SS18: variants seen among roughly 807,000 people sequenced by gnomAD.
The protein encoded by SS18 is protein SSXT.
A neutral mutation model predicts 72.5 loss-of-function variants in SS18; 28 were observed. That is an observed-to-expected ratio of 0.39 (90% CI 0.29 to 0.53). The LOEUF (loss-of-function observed/expected upper bound fraction) is 0.53, where lower values mean the gene tolerates loss of function less well. Ranked by LOEUF, SS18 falls within the 20% of genes least tolerant of loss-of-function variation. SS18 has a pLI of 0.76. For synonymous variants in SS18, 172 were observed against 164.2 expected (o/e 1.05, Z -0.37); for missense variants, 518 against 535.3 (o/e 0.97, Z 0.32).
At chr18:26,089,009 A>C (rs2054666299) in intron 1 of SS18, among the ~76,000 whole-genome samples, 1 of 152,306 alleles carries the variant, frequency 6.6e-6, no homozygotes, top group Non-Finnish European at 1.5e-5. Context: ...TTCACAACTT[A>C]TTATCTCCAG....
At position 26,086,942 on chromosome 18, in the gene SS18, A is replaced by G. The variant is rs536516315; in HGVS notation, c.146+559T>C. 2.6e-5 allele frequency among the ~76,000 whole-genome samples: 4 copies of G among 152,360 alleles called. No individual in the cohort carries two copies. The South Asian group carries it at 8.3e-4, about 32-fold the overall frequency. On this transcript the variant is annotated intron_variant, in intron 2 of 10. Transcript: ENST00000415083. ...AAAGAAAGTTTTCTTTTATAAATTA[A>G]CAAGTCATACAAAAGCTTGTACACA...
At chr18:26,066,935 T>C (rs35086453) in intron 3 of SS18, among the ~76,000 whole-genome samples, 8,432 of 152,274 alleles carry the variant, frequency 0.055, 272 homozygotes, top group East Asian at 0.12. Context: ...GAATACAAAG[T>C]ATTTCTAAAA....
At chr18:26,032,744 C>T (rs957138351) in intron 9 of SS18, among the ~76,000 whole-genome samples, 2 of 152,100 alleles carry the variant, frequency 1.3e-5, no homozygotes, top group Admixed American at 1.3e-4. Flanking sequence ...CTATAATTAT[C>T]GTACTATGCC....
In SS18 at chr18:26,053,754, G is replaced by A. The variant is rs374751708; in HGVS notation, c.386-909C>T. ...ATAGGAAGGCAAATTAAAACTATGAGACCGAACTTTCACCTCTCAGATTCT... is the reference window on the plus strand; with the variant it reads ...ATAGGAAGGCAAATTAAAACTATGAAACCGAACTTTCACCTCTCAGATTCT... On this transcript the variant is annotated intron_variant, in intron 4 of 10. Transcript: ENST00000415083. Among the ~76,000 whole-genome samples the A allele has an allele frequency of 9.2e-5, 14 of 152,250 alleles. No individual in the cohort carries two copies. The East Asian group carries it at 1.7e-3, about 19-fold the overall frequency.
At chr18:26,043,418 G>A (rs2053763946) in intron 5 of SS18, among the ~76,000 whole-genome samples, 1 of 151,742 alleles carries the variant, frequency 6.6e-6, no homozygotes, top group African/African-American at 2.4e-5. Context: ...CCCTCCTCAG[G>A]CCTATTTTCA....
chr18:26,066,600 G>GCACACACACACACACACACA (rs35011668), intron 3 of SS18, among the ~76,000 whole-genome samples: 13 of 144,330 alleles, frequency 9.0e-5, no homozygotes, highest in African/African-American at 3.3e-4. Context: ...GGAAATTTGT[G>GCACACACACACACACACACA]CACACACACA....
chr18:26,062,732 T>C (rs2054146144), intron 3 of SS18, among the ~76,000 whole-genome samples: 1 of 152,184 alleles, frequency 6.6e-6, no homozygotes, highest in Non-Finnish European at 1.5e-5. Flanking sequence ...AAAAGTATGA[T>C]GATGTTGCTA....
At position 26,052,650 on chromosome 18, in the gene SS18, G is replaced by C. The variant is rs1175130811; in HGVS notation, c.581C>G (p.Pro194Arg). Residue 194 changes from proline (P) to arginine (R), a missense_variant, in exon 5 of 11, where the codon CCA becomes CGA. Physicochemically the swap from Pro to Arg is moderately radical, Grantham distance 103. Transcript: ENST00000415083. Reference sequence around the variant, plus strand: ...TTGGTTTGGCTGCATACTCATATTTGGTCTGGGACCATAGTTTCCCATTGG... The same window carrying C: ...TTGGTTTGGCTGCATACTCATATTTCGTCTGGGACCATAGTTTCCCATTGG... ...GQPMGNYGPR[P>R]NMSMQPNQGP... 6.2e-7 allele frequency: 1 copy of C among 1,613,940 alleles called. No individual in the cohort carries two copies. Among genetic ancestry groups the C allele is most frequent in the South Asian group, 1.1e-5 (1 of 91,062 alleles).
At chr18:26,050,772 A>C (rs2053908282) in intron 5 of SS18, among the ~76,000 whole-genome samples, 1 of 151,986 alleles carries the variant, frequency 6.6e-6, no homozygotes, top group Non-Finnish European at 1.5e-5. Flanking sequence ...AGCCGGGCGT[A>C]GTGGTGGGTG....
chr18:26,024,632 G>C (rs1372220035), intron 10 of SS18, among the ~76,000 whole-genome samples: 2 of 152,082 alleles, frequency 1.3e-5, no homozygotes, highest in Non-Finnish European at 2.9e-5. Flanking sequence ...TTTTGAATAT[G>C]CTTAAAAACC....
intron 3 of SS18, among the ~76,000 whole-genome samples, chr18:26,060,476 C>T (rs2054099235): frequency 1.3e-5 from 2 of 151,912 alleles, no homozygotes; most frequent in Admixed American, 6.6e-5. Context: ...AGTTATGATG[C>T]TTACATAATT....
Position 26,018,171 on chromosome 18 carries a change from A to T in SS18, c.*183T>A. ...AAATGTGAAATCAAGAGTATTTTTG[A>T]GCTACTAAAGCCTTTTATAACTAAA... is the stretch of plus-strand genomic sequence containing the variant. On this transcript the variant is annotated 3_prime_UTR_variant, in exon 11 of 11. Transcript: ENST00000415083. 5.9e-6 allele frequency: 3 copies of T among 504,704 alleles called. No homozygotes were observed. The highest frequency in any genetic ancestry group is 1.1e-5 in the Non-Finnish European group (3 of 279,822). 31.3% of individuals were successfully genotyped at this position (504,704 alleles called of 1,614,324 possible).
intron 3 of SS18, among the ~76,000 whole-genome samples, chr18:26,074,007 T>C (rs1263004183): frequency 2.0e-5 from 3 of 152,236 alleles, no homozygotes; most frequent in Non-Finnish European, 4.4e-5. Context: ...AGCAAGAACT[T>C]GGAATGTGCA....
chr18:26,086,981 G>A (rs903682734), intron 2 of SS18, among the ~76,000 whole-genome samples: 1 of 152,166 alleles, frequency 6.6e-6, no homozygotes, highest in Non-Finnish European at 1.5e-5. Flanking sequence ...GTTCATAGCA[G>A]TATTATTCAA....
rs547900617 is a variant in SS18 at position 26,040,543 on chromosome 18, C to T, written c.608-1087G>A. Among the ~76,000 whole-genome samples, 12 of 152,166 alleles carry T rather than the reference C, an allele frequency of 7.9e-5. 1 individual carries two copies. In the South Asian group the frequency reaches 2.5e-3, roughly 32 times the overall value. On this transcript the variant is annotated intron_variant, in intron 5 of 10. Transcript: ENST00000415083. ...TGGAAAGGTTTCACAGATGAAACTG[C>T]CCAAATGAGCCAAAAGTTCACTATT... is the stretch of plus-strand genomic sequence containing the variant.
intron 3 of SS18, among the ~76,000 whole-genome samples, chr18:26,074,464 T>C (rs1286958367): frequency 6.6e-6 from 1 of 152,026 alleles, no homozygotes. Flanking sequence ...GATACTACAA[T>C]AGACTGAATG....
intron 9 of SS18, among the ~76,000 whole-genome samples, chr18:26,034,079 T>C (rs936871183): frequency 6.6e-6 from 1 of 152,150 alleles, no homozygotes; most frequent in Non-Finnish European, 1.5e-5. Flanking sequence ...TTGACATTTT[T>C]AGAAAAATAC....
chr18:26,021,090 G>A (rs1447364559), intron 10 of SS18, among the ~76,000 whole-genome samples: 1 of 152,154 alleles, frequency 6.6e-6, no homozygotes, highest in African/African-American at 2.4e-5. Flanking sequence ...TGATCACAAT[G>A]CTAGGACCAA....
intron 3 of SS18, among the ~76,000 whole-genome samples, chr18:26,060,232 T>C (rs565310260): frequency 2.4e-4 from 36 of 152,294 alleles, no homozygotes; most frequent in African/African-American, 8.2e-4. Context: ...GAAATACTTA[T>C]ACATGCTACA....
Sources: allele counts gnomAD v4.1 joint callset (sites outside exome capture counted in the v4.1 genomes callset), GRCh38; gene constraint gnomAD v4.1.1; transcripts MANE v1.5; gene names NCBI Gene and HGNC (gene_info 2026-07-23, HGNC 2026-07-21).